Variants in PCDH9 observed in about 807,000 individuals in gnomAD.
PCDH9 encodes protocadherin-9.
PCDH9 carries 24 observed loss-of-function variants against 70.6 expected under a neutral mutation model. The observed-to-expected ratio is 0.34, with a 90% confidence interval of 0.25 to 0.48. The LOEUF (loss-of-function observed/expected upper bound fraction) is 0.48, where lower values mean the gene tolerates loss of function less well. Ranked by LOEUF, PCDH9 falls within the 20% of genes least tolerant of loss-of-function variation. The pLI, the probability that PCDH9 is intolerant of heterozygous loss-of-function variation, is 0.99. For synonymous variants in PCDH9, 562 were observed against 558.5 expected (o/e 1.01, Z -0.09); for missense variants, 1,281 against 1,503.6 (o/e 0.85, Z 2.45).
intron 3 of PCDH9, among the ~76,000 whole-genome samples, chr13:66,870,917 T>C (rs2139507481): frequency 6.6e-6 from 1 of 152,270 alleles, no homozygotes; most frequent in Non-Finnish European, 1.5e-5. Context: ...TAAATCATGC[T>C]GCTATAAAGA....
rs536940180 is a variant in PCDH9 at position 66,619,651 on chromosome 13, C to T, written c.3340+11559G>A. ...GCATTATATGCTAGCAAACCTGTGG[C>T]TCTGAGGTCAATGAATTAGGACCTA... is the stretch of plus-strand genomic sequence containing the variant. On this transcript the variant is annotated intron_variant, in intron 4 of 4. Transcript: ENST00000377865. Among the ~76,000 whole-genome samples the T allele has an allele frequency of 3.3e-5, 5 of 152,226 alleles. No homozygotes were observed. In the East Asian group the frequency reaches 9.6e-4, roughly 29 times the overall value.
intron 3 of PCDH9, among the ~76,000 whole-genome samples, chr13:66,776,864 A>G (rs1045106611): frequency 5.2e-5 from 7 of 135,264 alleles, no homozygotes; most frequent in Non-Finnish European, 9.7e-5. Context: ...GCATCATGCT[A>G]CCTGACTTCA....
intron 4 of PCDH9, among the ~76,000 whole-genome samples, chr13:66,584,042 A>C (rs2138790974): frequency 6.6e-6 from 1 of 152,248 alleles, no homozygotes; most frequent in African/African-American, 2.4e-5. Context: ...TTACATCCAA[A>C]CCCATTGCAG....
chr13:66,422,396 C>A (rs1957583633), intron 4 of PCDH9, among the ~76,000 whole-genome samples: 1 of 152,072 alleles, frequency 6.6e-6, no homozygotes, highest in African/African-American at 2.4e-5. Context: ...TACAATCGAC[C>A]ACATAATTGG....
At chr13:66,404,378 T>C (rs2138304912) in intron 4 of PCDH9, among the ~76,000 whole-genome samples, 1 of 152,230 alleles carries the variant, frequency 6.6e-6, no homozygotes, top group East Asian at 1.9e-4. Flanking sequence ...TATGGTTTTA[T>C]TGCCAGAATT....
intron 4 of PCDH9, among the ~76,000 whole-genome samples, chr13:66,335,711 T>C (rs1382873889): frequency 2.0e-5 from 3 of 152,142 alleles, no homozygotes; most frequent in Non-Finnish European, 4.4e-5. Flanking sequence ...GGATGAAATA[T>C]TGTGTTACTG....
chr13:67,212,956 A>C (rs2089498535), intron 2 of PCDH9: 1 of 152,252 alleles, frequency 6.6e-6, no homozygotes, highest in South Asian at 2.1e-4. Context: ...TCACCCCTGT[A>C]ATCTCAGCAC....
chr13:66,507,602 T>C (rs1488201557), intron 4 of PCDH9, among the ~76,000 whole-genome samples: 1 of 152,162 alleles, frequency 6.6e-6, no homozygotes, highest in Admixed American at 6.5e-5. Context: ...TATAGTTGTG[T>C]CTCTGTCTGC....
At chr13:66,366,198 T>C (rs2138204801) in intron 4 of PCDH9, among the ~76,000 whole-genome samples, 2 of 152,164 alleles carry the variant, frequency 1.3e-5, no homozygotes, top group Middle Eastern at 3.4e-3. Context: ...TTTAATCCCA[T>C]TAGTTTATTT....
intron 4 of PCDH9, among the ~76,000 whole-genome samples, chr13:66,355,447 T>C (rs1191449458): frequency 2.0e-5 from 3 of 152,090 alleles, no homozygotes; most frequent in Non-Finnish European, 4.4e-5. Flanking sequence ...GTCATGTCTT[T>C]TGTTTTTGTT....
At chr13:66,588,184 C>T (rs2076988285) in intron 4 of PCDH9, among the ~76,000 whole-genome samples, 2 of 151,936 alleles carry the variant, frequency 1.3e-5, no homozygotes, top group South Asian at 4.2e-4. Flanking sequence ...AAACAATCTC[C>T]TACATGCCAC....
intron 3 of PCDH9, 110 bp downstream of exon 3, chr13:66,903,394 C>A (rs1018155887): frequency 2.3e-6 from 1 of 441,454 alleles, no homozygotes; most frequent in African/African-American, 2.0e-5. Context: ...AATGTGACCA[C>A]AGAAGAGATG....
chr13:67,059,997 A>G (rs2085506339), intron 2 of PCDH9, among the ~76,000 whole-genome samples: 1 of 151,158 alleles, frequency 6.6e-6, no homozygotes, highest in Admixed American at 6.6e-5. Context: ...GTATGGGGGT[A>G]TGAGTATGAG....
chr13:66,725,730 T>G (rs550056447), intron 3 of PCDH9, among the ~76,000 whole-genome samples: 1 of 152,150 alleles, frequency 6.6e-6, no homozygotes, highest in Non-Finnish European at 1.5e-5. Context: ...GGGGTTCAAA[T>G]GAAAATCAAA....
intron 4 of PCDH9, among the ~76,000 whole-genome samples, chr13:66,523,769 CTG>C (rs1960097933): frequency 6.6e-6 from 1 of 151,856 alleles, no homozygotes; most frequent in Admixed American, 6.6e-5. Flanking sequence ...TAGAAGATAA[CTG>C]GATCAAGTAA....
At chr13:66,747,855 A>T (rs765016132) in intron 3 of PCDH9, among the ~76,000 whole-genome samples, 6 of 152,182 alleles carry the variant, frequency 3.9e-5, no homozygotes, top group Non-Finnish European at 7.4e-5. Flanking sequence ...ATAATTTATT[A>T]ATTGTGGTGT....
At chr13:66,373,159 C>T (rs758735431) in intron 4 of PCDH9, among the ~76,000 whole-genome samples, 1 of 151,810 alleles carries the variant, frequency 6.6e-6, no homozygotes, top group East Asian at 1.9e-4. Context: ...TTAGCCACAA[C>T]AGGGAAGGAA....
chr13:66,986,492 T>C (rs1270437145), intron 2 of PCDH9, among the ~76,000 whole-genome samples: 1 of 152,034 alleles, frequency 6.6e-6, no homozygotes, highest in Non-Finnish European at 1.5e-5. Context: ...GGATATGGAA[T>C]TCAGTATAAC....
chr13:66,536,314 T>C (rs1455825643), intron 4 of PCDH9, among the ~76,000 whole-genome samples: 2 of 152,112 alleles, frequency 1.3e-5, no homozygotes, highest in African/African-American at 2.4e-5. Context: ...TTTTATACCA[T>C]GCAGGTGTGA....
Sources: allele counts gnomAD v4.1 joint callset (sites outside exome capture counted in the v4.1 genomes callset), GRCh38; gene constraint gnomAD v4.1.1; transcripts MANE v1.5; gene names NCBI Gene and HGNC (gene_info 2026-07-23, HGNC 2026-07-21).